The following SGCD variants were observed in gnomAD, a reference collection of about 807,000 sequenced individuals.
The protein encoded by SGCD is sarcoglycan delta.
A neutral mutation model predicts 36.6 loss-of-function variants in SGCD; 18 were observed. That is an observed-to-expected ratio of 0.49 (90% CI 0.34 to 0.73). The LOEUF (loss-of-function observed/expected upper bound fraction) is 0.73. SGCD is among the 30% of genes least tolerant of loss of function. The probability of loss-of-function intolerance (pLI) is 0.01; values close to 1 mark genes in which losing one functional copy is unlikely to be tolerated. For missense variants in SGCD, 387 were observed against 346.7 expected, an observed-to-expected ratio of 1.12 and a Z score of -0.92; for synonymous variants, 133 against 130.6, an observed-to-expected ratio of 1.02 and a Z score of -0.12.
intron 1 of SGCD, among the ~76,000 whole-genome samples, chr5:155,950,380 T>C (rs1409497612): frequency 6.6e-6 from 1 of 152,036 alleles, no homozygotes; most frequent in African/African-American, 2.4e-5. Context: ...CTGTCTTAGG[T>C]CCTATGTCCT....
chr5:156,082,593 G>T (rs1030240483), intron 1 of SGCD, among the ~76,000 whole-genome samples: 1 of 152,080 alleles, frequency 6.6e-6, no homozygotes, highest in East Asian at 1.9e-4. Context: ...AGAATTTCAT[G>T]GTATATACCA....
intron 1 of SGCD, among the ~76,000 whole-genome samples, chr5:156,030,009 G>A (rs1759310979): frequency 6.6e-6 from 1 of 151,986 alleles, no homozygotes; most frequent in African/African-American, 2.4e-5. Context: ...CACACTGAAT[G>A]GACCATGTCA....
chr5:156,460,561 T>G (rs1754440420), intron 3 of SGCD, among the ~76,000 whole-genome samples: 1 of 152,170 alleles, frequency 6.6e-6, no homozygotes, highest in Non-Finnish European at 1.5e-5. Context: ...ATGAGCAGTC[T>G]TAAATATTGT....
At chr5:156,100,364 C>T (rs1581099188) in intron 1 of SGCD, among the ~76,000 whole-genome samples, 1 of 151,912 alleles carries the variant, frequency 6.6e-6, no homozygotes, top group African/African-American at 2.4e-5. Flanking sequence ...TCCTGGGAAT[C>T]CTGGGAATGT....
chr5:156,426,421 G>A (rs1773673685), intron 3 of SGCD, among the ~76,000 whole-genome samples: 1 of 151,848 alleles, frequency 6.6e-6, no homozygotes, highest in East Asian at 1.9e-4. Context: ...GGGATTATTT[G>A]TTTTTATTCT....
chr5:156,603,282 T>C (rs1291197566), intron 6 of SGCD, among the ~76,000 whole-genome samples: 1 of 152,096 alleles, frequency 6.6e-6, no homozygotes, highest in African/African-American at 2.4e-5. Context: ...GTATGAGTTG[T>C]AACGTTTACT....
intron 1 of SGCD, among the ~76,000 whole-genome samples, chr5:155,969,571 T>C (rs1757968286): frequency 6.6e-6 from 1 of 152,140 alleles, no homozygotes; most frequent in Non-Finnish European, 1.5e-5. Context: ...AGAAGACATG[T>C]GGTGTGAGAA....
intron 3 of SGCD, among the ~76,000 whole-genome samples, chr5:156,222,162 G>A (rs562937950): frequency 1.3e-5 from 2 of 151,994 alleles, no homozygotes; most frequent in Admixed American, 1.3e-4. Context: ...AAAGGAATGA[G>A]CTCCCTGTCA....
chr5:156,055,794 T>G (rs1238130412), intron 1 of SGCD, among the ~76,000 whole-genome samples: 1 of 146,024 alleles, frequency 6.8e-6, no homozygotes, highest in Non-Finnish European at 1.5e-5. Flanking sequence ...ATACTCTAGT[T>G]CAGCAGCCAG....
At position 156,021,129 on chromosome 5, in the gene SGCD, G is replaced by A. The variant is rs528324708; in HGVS notation, c.-281-96749G>A. On this transcript the variant is annotated intron_variant, in intron 1 of 9. Coordinates refer to the SGCD transcript ENST00000517913. ...TTAATACCAATGGTTCCACTAATAT[G>A]CCCCTGAATTAACAGTTATGTGCAA... Among the ~76,000 whole-genome samples, 10 of 152,212 alleles carry A rather than the reference G, an allele frequency of 6.6e-5. No homozygotes were observed. In the South Asian group the frequency reaches 2.1e-3, roughly 32 times the overall value.
the SGCD span, among the ~76,000 whole-genome samples, chr5:155,840,777 C>G: frequency 3.3e-5 from 5 of 151,022 alleles, no homozygotes; most frequent in Non-Finnish European, 7.4e-5. Context: ...TTAGGGAGGC[C>G]GAGGCAGGCA....
rs371396799 is a variant in SGCD, at chr5:156,054,316, C to T, written c.-281-63562C>T. On this transcript the variant is annotated intron_variant, in intron 1 of 9. Coordinates refer to the SGCD transcript ENST00000517913. The stretch of plus-strand genomic sequence containing the variant: ...TTTTTTTTTTTTTGAGACAGAGTCT[C>T]GCTCTGTGGCCCAGGCTGGAGTGCA... Among the ~76,000 whole-genome samples the T allele has an allele frequency of 2.3e-5, 3 of 130,424 alleles. 1 individual carries two copies. Among genetic ancestry groups the T allele is most frequent in the Admixed American group, 7.8e-5 (1 of 12,818 alleles). 85.6% of individuals were successfully genotyped at this position (130,424 alleles called of 152,430 possible).
the SGCD span, among the ~76,000 whole-genome samples, chr5:155,805,752 G>C: frequency 6.6e-6 from 1 of 152,246 alleles, no homozygotes; most frequent in African/African-American, 2.4e-5. Flanking sequence ...GCGGGTGAGT[G>C]TAGGTCCAGA....
At chr5:156,230,295 C>G (rs543810592) in intron 3 of SGCD, among the ~76,000 whole-genome samples, 1 of 152,262 alleles carries the variant, frequency 6.6e-6, no homozygotes, top group South Asian at 2.1e-4. Flanking sequence ...TCCACTCCTT[C>G]TCATTTGGGT....
chr5:155,771,826 A>G, the SGCD span, among the ~76,000 whole-genome samples: 1 of 152,152 alleles, frequency 6.6e-6, no homozygotes, highest in Non-Finnish European at 1.5e-5. Context: ...CACTGGGATT[A>G]TGGCCATGAG....
intron 4 of SGCD, among the ~76,000 whole-genome samples, chr5:156,567,668 T>C (rs1444805386): frequency 2.6e-5 from 4 of 152,200 alleles, no homozygotes; most frequent in Non-Finnish European, 4.4e-5. Context: ...ACTTTAGATG[T>C]AAATCTCACC....
chr5:156,152,769 C>A (rs747571435), intron 3 of SGCD, among the ~76,000 whole-genome samples: 3 of 151,588 alleles, frequency 2.0e-5, no homozygotes, highest in Admixed American at 6.6e-5. Flanking sequence ...CATTGGATAG[C>A]ACTGACTTAG....
intron 3 of SGCD, among the ~76,000 whole-genome samples, chr5:156,346,666 G>T (rs573622647): frequency 6.6e-6 from 1 of 152,158 alleles, no homozygotes; most frequent in African/African-American, 2.4e-5. Flanking sequence ...AAGATTATAT[G>T]GTCAGTTTCC....
intron 3 of SGCD, among the ~76,000 whole-genome samples, chr5:156,211,270 A>G (rs1462321600): frequency 6.6e-6 from 1 of 152,182 alleles, no homozygotes; most frequent in African/African-American, 2.4e-5. Context: ...TAGAGAATTC[A>G]TTATGAACAG....
Sources: gnomAD v4.1 joint callset for allele counts (sites outside exome capture counted in the v4.1 genomes callset) on GRCh38, gnomAD v4.1.1 for gene constraint, MANE v1.5 for transcripts, NCBI Gene and HGNC (gene_info 2026-07-23, HGNC 2026-07-21) for gene names.